The following FNBP1 variants were observed in gnomAD, a reference collection of about 807,000 sequenced individuals.
FNBP1 encodes the protein formin binding protein 1.
FNBP1 carries 26 observed loss-of-function variants against 90.6 expected under a neutral mutation model. The ratio of observed to expected loss-of-function variants is 0.29; its 90% CI spans 0.21 to 0.40. FNBP1 has a LOEUF of 0.40. Ranked by LOEUF, FNBP1 falls within the 10% of genes least tolerant of loss-of-function variation. The probability of loss-of-function intolerance (pLI) is 1.00; values close to 1 mark genes in which losing one functional copy is unlikely to be tolerated. For missense variants in FNBP1, 635 were observed against 768.0 expected (o/e 0.83, Z 2.05); for synonymous variants, 260 against 265.2 (o/e 0.98, Z 0.19).
At chr9:129,897,636 C>A (rs896467200) in intron 15 of FNBP1, among the ~76,000 whole-genome samples, 2 of 152,032 alleles carry the variant, frequency 1.3e-5, no homozygotes, top group Non-Finnish European at 2.9e-5. Flanking sequence ...CACACTATCG[C>A]CTAGGCTGGA....
chr9:130,033,677 A>C (rs751693732), intron 1 of FNBP1, among the ~76,000 whole-genome samples: 18 of 150,384 alleles, frequency 1.2e-4, no homozygotes, highest in Non-Finnish European at 2.5e-4. Context: ...CCACCTCTAC[A>C]AAAAAAACTT....
At chr9:129,995,802 T>G (rs1282195771) in intron 1 of FNBP1, among the ~76,000 whole-genome samples, 1 of 151,584 alleles carries the variant, frequency 6.6e-6, no homozygotes, top group African/African-American at 2.4e-5. Context: ...GGAAGTGGAG[T>G]TGGCGAGTGA....
At chr9:130,035,444 T>C (rs1309731435) in intron 1 of FNBP1, among the ~76,000 whole-genome samples, 2 of 152,190 alleles carry the variant, frequency 1.3e-5, no homozygotes, top group Non-Finnish European at 2.9e-5. Flanking sequence ...TTCCACTCTT[T>C]CCCCTTCACA....
At chr9:129,953,453 G>A (rs1271006022) in intron 6 of FNBP1, among the ~76,000 whole-genome samples, 1 of 151,978 alleles carries the variant, frequency 6.6e-6, no homozygotes, top group East Asian at 1.9e-4. Flanking sequence ...TAGCACCACC[G>A]CACTCCAGCC....
chr9:129,939,994 A>G (rs1379581573), intron 6 of FNBP1, among the ~76,000 whole-genome samples: 1 of 152,154 alleles, frequency 6.6e-6, no homozygotes, highest in Non-Finnish European at 1.5e-5. Context: ...TGAGGCCAGG[A>G]GTTCGAGACC....
In FNBP1 at chr9:129,890,409, G is replaced by GAC. The variant is rs2034990086; in HGVS notation, c.*129_*130insGT. On this transcript the variant is annotated 3_prime_UTR_variant, in exon 17 of 17. Transcript: ENST00000446176. The surrounding 1 kb of genome is among the most constrained non-coding windows in gnomAD (Gnocchi z 5.8). ...GCAGGGAGCATGCTGGAGAGAGAGA[G>GAC]AGACCGCCCCGCAGGGATGGGGCTG... The GAC allele has an allele frequency of 6.5e-6, 5 of 767,494 alleles. No homozygotes were observed. Among genetic ancestry groups the GAC allele is most frequent in the Non-Finnish European group, 1.1e-5 (5 of 446,622 alleles). The allele number at this position is 767,494 out of a possible 1,614,324, so 47.5% of individuals were successfully genotyped here.
chr9:129,980,669 GAAAAA>G (rs199545216), intron 2 of FNBP1, among the ~76,000 whole-genome samples: 98 of 126,740 alleles, frequency 7.7e-4, no homozygotes, highest in African/African-American at 2.7e-3. Flanking sequence ...GGTAATCACA[GAAAAA>G]AAAAAAAAAA....
At chr9:129,948,441 T>C (rs2045677845) in intron 6 of FNBP1, among the ~76,000 whole-genome samples, 1 of 130,730 alleles carries the variant, frequency 7.6e-6, no homozygotes, top group East Asian at 2.6e-4. Context: ...CTCGGCTCAC[T>C]GCAACCTCCC....
chr9:130,042,864 C>T lies in FNBP1; in HGVS notation c.24+88G>A. The T allele has an allele frequency of 2.0e-6, 2 of 977,284 alleles. No homozygotes were observed. Among genetic ancestry groups the T allele is most frequent in the Non-Finnish European group, 2.6e-6 (2 of 758,010 alleles). The allele number at this position is 977,284 out of a possible 1,614,324, so 60.5% of individuals were successfully genotyped here. ...CGACCAGCGCGCCCTCGCCTCCGCC[C>T]AGCAGCGCGGCCCGCGCCCCCTCCC... On this transcript the variant is annotated intron_variant, in intron 1 of 16. Transcript: ENST00000446176. The surrounding 1 kb of genome is among the most constrained non-coding windows in gnomAD (Gnocchi z 5.5).
At chr9:129,907,031 G>A (rs1044887777) in intron 12 of FNBP1, among the ~76,000 whole-genome samples, 10 of 151,592 alleles carry the variant, frequency 6.6e-5, no homozygotes, top group Non-Finnish European at 1.0e-4. Context: ...GCCCGCCTCC[G>A]CCTCCCAAAG....
At chr9:129,924,072 A>C in intron 9 of FNBP1, 46 bp from the exon 10 acceptor site, 1 of 1,475,650 alleles carries the variant, frequency 6.8e-7, no homozygotes, top group Non-Finnish European at 8.9e-7. Flanking sequence ...ATCAGAAACA[A>C]GAAGACACAA....
At chr9:130,048,186 T>C (rs934133642), upstream of FNBP1, among the ~76,000 whole-genome samples, 2 of 151,106 alleles carry the variant, frequency 1.3e-5, no homozygotes, top group African/African-American at 4.9e-5. Flanking sequence ...GGTGTGGTGG[T>C]GTGCCTGTAA....
intron 1 of FNBP1, among the ~76,000 whole-genome samples, chr9:130,038,653 C>T (rs868443164): frequency 6.6e-6 from 1 of 152,132 alleles, no homozygotes; most frequent in South Asian, 2.1e-4. Context: ...CCTTGGCCTC[C>T]CAAAGTTCTG....
intron 15 of FNBP1, among the ~76,000 whole-genome samples, chr9:129,898,936 C>T (rs1468325149): frequency 2.0e-5 from 3 of 151,968 alleles, no homozygotes; most frequent in African/African-American, 7.3e-5. Flanking sequence ...GATCATCCTC[C>T]CTATCGTCTG....
At chr9:130,005,400 G>C (rs2055536396) in intron 1 of FNBP1, among the ~76,000 whole-genome samples, 1 of 148,696 alleles carries the variant, frequency 6.7e-6, no homozygotes, top group South Asian at 2.1e-4. Context: ...GGAGTGCAGT[G>C]GTGCGATCTC....
At chr9:130,034,694 CTG>C (rs746530078) in intron 1 of FNBP1, among the ~76,000 whole-genome samples, 4 of 152,276 alleles carry the variant, frequency 2.6e-5, no homozygotes, top group Non-Finnish European at 5.9e-5. Flanking sequence ...TCATTCATGA[CTG>C]TTTCTGCTGG....
At chr9:130,035,270 G>A (rs2059207826) in intron 1 of FNBP1, among the ~76,000 whole-genome samples, 1 of 152,190 alleles carries the variant, frequency 6.6e-6, no homozygotes, top group Non-Finnish European at 1.5e-5. Context: ...TAAGCAAGCT[G>A]GCAGCCAAGG....
intron 1 of FNBP1, among the ~76,000 whole-genome samples, chr9:130,033,851 A>C (rs2059036811): frequency 6.7e-6 from 1 of 149,170 alleles, no homozygotes; most frequent in Admixed American, 6.7e-5. Context: ...AAATACAAAA[A>C]AAAAAAAAAA....
chr9:129,945,079 TA>T (rs2045031262), intron 6 of FNBP1, among the ~76,000 whole-genome samples: 1 of 152,214 alleles, frequency 6.6e-6, no homozygotes, highest in African/African-American at 2.4e-5. Flanking sequence ...GCTTGATTGC[TA>T]TTTTGTACAT....
Sources: allele counts gnomAD v4.1 joint callset (sites outside exome capture counted in the v4.1 genomes callset), GRCh38; gene constraint gnomAD v4.1.1; non-coding constraint Gnocchi (gnomAD v3.1); transcripts MANE v1.5; gene names NCBI Gene and HGNC (gene_info 2026-07-23, HGNC 2026-07-21).